The following SLC35F6 variants were observed in gnomAD, a reference collection of about 807,000 sequenced individuals.
The protein encoded by SLC35F6 is ANT2-binding protein.
SLC35F6 carries 26 observed loss-of-function variants against 29.4 expected under a neutral mutation model. That is an observed-to-expected ratio of 0.89 (90% CI 0.65 to 1.23). SLC35F6 has a LOEUF of 1.23. Among genes scored for constraint, SLC35F6 ranks in the 50% most tolerant of loss-of-function variants. The pLI, the probability that SLC35F6 is intolerant of heterozygous loss-of-function variation, is 0.00. For synonymous variants in SLC35F6, 174 were observed against 206.6 expected, an observed-to-expected ratio of 0.84 and a Z score of 1.35; for missense variants, 428 against 487.8, an observed-to-expected ratio of 0.88 and a Z score of 1.15.
rs1244493703 is a variant in SLC35F6, at chr2:26,780,784, A to G, written c.*2273A>G. ...CAGGGAACCAAGCAGCCTTTGGTCC[A>G]GTGCTGCTCCTTGGAACAGTTGAGT... On this transcript the variant is annotated 3_prime_UTR_variant, in exon 6 of 6. Coordinates refer to ENST00000344420, the MANE Select transcript of SLC35F6 (RefSeq NM_017877.4). 6.6e-6 allele frequency: 1 copy of G among 152,288 alleles called. No individual in the cohort carries two copies. The highest frequency in any genetic ancestry group is 2.4e-5 in the African/African-American group (1 of 41,464). The allele number at this position is 152,288 out of a possible 1,614,324, so 9.4% of individuals were successfully genotyped here. A position where few individuals can be genotyped will look rare whatever the true frequency, so the allele number is the denominator to read the frequency against.
At position 26,774,313 on chromosome 2, in the gene SLC35F6, C is replaced by T. The variant is rs747353384; in HGVS notation, c.140C>T (p.Pro47Leu). The T allele has an allele frequency of 3.7e-6, 6 of 1,614,048 alleles. No individual in the cohort carries two copies. In the East Asian group the frequency reaches 1.3e-4, roughly 36 times the overall value. Residue 47 changes from proline to leucine, a missense_variant, in exon 2 of 6, where the codon CCC becomes CTC. Physicochemically the swap from Pro to Leu is moderately conservative, Grantham distance 98. Transcript: ENST00000344420. The stretch of plus-strand genomic sequence containing the variant: ...AGCAAGGAGCACAGCTTCCAGCATC[C>T]CTTCCTCCAGGTATCTGGCCCTGTC... The part of the protein sequence containing the change: ...GGSKEHSFQH[P>L]FLQAVGMFLG...
chr2:26,775,633 G>T lies in SLC35F6; in HGVS notation c.492G>T (p.Leu164=). Residue 164 remains leucine (L), a synonymous_variant, in exon 4 of 6, where the codon CTG becomes CTT. Transcript: ENST00000344420. The surrounding 1 kb of genome is among the most constrained non-coding windows in gnomAD (Gnocchi z 4.6). ...TGGTCGTGGGCCTGGCTGACCTCCT[G>T]AGCAAGCACGACAGTCAGCACAAGC... ...GLVVVGLADL[L]SKHDSQHKLS... is the part of the protein sequence containing the mutation. 6.2e-7 allele frequency: 1 copy of T among 1,601,116 alleles called. No individual in the cohort carries two copies.
In SLC35F6 at chr2:26,778,498, A is replaced by T. The variant is rs773253079; in HGVS notation, c.1103A>T (p.Asn368Ile). Residue 368 changes from asparagine to isoleucine, a missense_variant, in exon 6 of 6, where the codon AAT (asparagine) becomes ATT (isoleucine). Transcript: ENST00000344420. ...CTGGGTGGCACCCGCACTCCCATCA[A>T]TGATGCCAGCTGAGGTTCCCTGGAG... Reference protein sequence around the residue: ...RLLGGTRTPINDAS With the variant: ...RLLGGTRTPIIDAS 18 of 1,603,378 alleles carry T rather than the reference A, an allele frequency of 1.1e-5. No individual in the cohort carries two copies. Among genetic ancestry groups the T allele is most frequent in the Non-Finnish European group, 1.4e-5 (17 of 1,175,034 alleles).
intron 1 of SLC35F6, among the ~76,000 whole-genome samples, chr2:26,769,355 G>T (rs959580321): frequency 6.6e-6 from 1 of 152,198 alleles, no homozygotes; most frequent in African/African-American, 2.4e-5. Flanking sequence ...AGGACCCTTC[G>T]GGCCTCCTGC....
In SLC35F6 at chr2:26,772,315, G is replaced by A. The variant is rs537157641; in HGVS notation, c.78-1936G>A. Among the ~76,000 whole-genome samples, 4 of 152,312 alleles carry A rather than the reference G, an allele frequency of 2.6e-5. No homozygotes were observed. In the South Asian group the frequency reaches 8.3e-4, roughly 32 times the overall value. On this transcript the variant is annotated intron_variant, in intron 1 of 5. Coordinates refer to ENST00000344420, the MANE Select transcript of SLC35F6 (RefSeq NM_017877.4). Reference sequence around the variant, plus strand: ...GGCTCGCTACAGAGATGAGCCAATGGCAGTGCAGGGCTGTGCACTGCAATC... The same window carrying A: ...GGCTCGCTACAGAGATGAGCCAATGACAGTGCAGGGCTGTGCACTGCAATC...
At chr2:26,772,300 A>G (rs1373200600) in intron 1 of SLC35F6, among the ~76,000 whole-genome samples, 1 of 152,228 alleles carries the variant, frequency 6.6e-6, no homozygotes, top group Non-Finnish European at 1.5e-5. Context: ...GGCTCGCTAC[A>G]GAGATGAGCC....
At chr2:26,776,261 G>C in intron 4 of SLC35F6, 111 bp from the exon 5 acceptor site, 3 of 860,908 alleles carry the variant, frequency 3.5e-6, no homozygotes, top group Middle Eastern at 3.2e-4. Flanking sequence ...ATGAACTATA[G>C]GGGGCCCTGC....
chr2:26,773,948 G>C (rs887205789), intron 1 of SLC35F6, among the ~76,000 whole-genome samples: 1 of 152,174 alleles, frequency 6.6e-6, no homozygotes, highest in Non-Finnish European at 1.5e-5. Context: ...TTATAAGTGG[G>C]TCTGACTACT....
chr2:26,777,105 A>G (rs565635555), intron 5 of SLC35F6, among the ~76,000 whole-genome samples: 133 of 152,360 alleles, frequency 8.7e-4, no homozygotes, highest in African/African-American at 3.1e-3. Context: ...AGACTGAGAC[A>G]GGAGAATCGC....
chr2:26,774,899 C>A, intron 2 of SLC35F6, 145 bp from the exon 3 acceptor site: 1 of 988,042 alleles, frequency 1.0e-6, no homozygotes, highest in Non-Finnish European at 1.4e-6. Context: ...CTCTAGCCTC[C>A]ATGGCAGCTC....
chr2:26,764,687 G>A (rs145411493), intron 1 of SLC35F6: 15 of 677,572 alleles, frequency 2.2e-5, no homozygotes, highest in Middle Eastern at 1.5e-3. Flanking sequence ...TAACAGGAGG[G>A]TTGGCCGATT....
rs368756527 is a variant in SLC35F6, at chr2:26,778,476, G to C, written c.1081G>C (p.Gly361Arg). The change falls in exon 6 of 6, where the codon GGT becomes CGT. Residue 361 changes from glycine to arginine, a missense_variant. Coordinates refer to ENST00000344420, the MANE Select transcript of SLC35F6 (RefSeq NM_017877.4). ...AEESEQERLLGGTRTPINDAS is the reference protein window; with the variant it reads ...AEESEQERLLRGTRTPINDAS ...GGAGAGCGAGCAGGAGAGACTGCTG[G>C]GTGGCACCCGCACTCCCATCAATGA... The C allele has an allele frequency of 3.1e-6, 5 of 1,611,476 alleles. No individual in the cohort carries two copies. The highest frequency in any genetic ancestry group is 2.7e-5 in the African/African-American group (2 of 74,836).
In SLC35F6 at chr2:26,778,475, G is replaced by A. The variant is rs1330926578; in HGVS notation, c.1080G>A (p.Leu360=). 6.2e-7 allele frequency: 1 copy of A among 1,611,966 alleles called. No homozygotes were observed. The highest frequency in any genetic ancestry group is 2.2e-5 in the East Asian group (1 of 44,840). ...AGGAGAGCGAGCAGGAGAGACTGCT[G>A]GGTGGCACCCGCACTCCCATCAATG... The part of the protein sequence containing the change: ...LAEESEQERL[L]GGTRTPINDA... Residue 360 remains leucine, a synonymous_variant, in exon 6 of 6, where the codon CTG becomes CTA. Coordinates refer to ENST00000344420, the MANE Select transcript of SLC35F6 (RefSeq NM_017877.4).
intron 5 of SLC35F6, 69 bp downstream of exon 5, chr2:26,776,551 AG>A (rs1664304390): frequency 4.2e-6 from 6 of 1,434,248 alleles, no homozygotes; most frequent in Middle Eastern, 1.8e-4. Flanking sequence ...GCACAGGACA[AG>A]GTGCCAGGGT....
chr2:26,778,604 A>G lies in SLC35F6; in HGVS notation c.*93A>G, dbSNP rs1664351520. 1.6e-6 allele frequency: 2 copies of G among 1,250,416 alleles called. No homozygotes were observed. Among genetic ancestry groups the G allele is most frequent in the South Asian group, 1.5e-5 (1 of 65,824 alleles). 77.5% of individuals were successfully genotyped at this position (1,250,416 alleles called of 1,614,324 possible). A position where few individuals can be genotyped will look rare whatever the true frequency, so the allele number is the denominator to read the frequency against. On this transcript the variant is annotated 3_prime_UTR_variant, in exon 6 of 6. Coordinates refer to ENST00000344420, the MANE Select transcript of SLC35F6 (RefSeq NM_017877.4). The stretch of plus-strand genomic sequence containing the variant: ...GTGGGCCCCGAATGCCCTATCCCCA[A>G]GGCCTCACCCTGTCCCCTCCCTGCA...
intron 1 of SLC35F6, among the ~76,000 whole-genome samples, chr2:26,765,845 G>T (rs1027034959): frequency 1.3e-5 from 2 of 152,200 alleles, no homozygotes; most frequent in Non-Finnish European, 2.9e-5. Flanking sequence ...CCCATCTCAG[G>T]ATCTGAACAC....
intron 1 of SLC35F6, among the ~76,000 whole-genome samples, chr2:26,767,346 G>C (rs1664112646): frequency 6.6e-6 from 1 of 152,232 alleles, no homozygotes; most frequent in Admixed American, 6.5e-5. Context: ...TCAAGGTTCA[G>C]ACTGACAGCC....
rs747864074 is a variant in SLC35F6, at chr2:26,778,347, C to A, written c.952C>A (p.Leu318Met). Residue 318 changes from leucine to methionine, a missense_variant, in exon 6 of 6, where the codon CTG (leucine) becomes ATG (methionine). Coordinates refer to ENST00000344420, the MANE Select transcript of SLC35F6 (RefSeq NM_017877.4). ...LALGWEAFHA[L>M]QILGFLILLI... ...ACTGGGCTGGGAGGCCTTCCATGCA[C>A]TGCAGATCCTTGGCTTCCTCATACT... 1 of 1,614,074 alleles carries A rather than the reference C, an allele frequency of 6.2e-7. No individual in the cohort carries two copies. Among genetic ancestry groups the A allele is most frequent in the Non-Finnish European group, 8.5e-7 (1 of 1,180,042 alleles).
At chr2:26,774,344 T>A in intron 2 of SLC35F6, 21 bp downstream of exon 2, 1 of 1,613,304 alleles carries the variant, frequency 6.2e-7, no homozygotes, top group South Asian at 1.1e-5. Context: ...CTGTCCCTCC[T>A]ACCTCCTGTC....
Sources: allele counts gnomAD v4.1 joint callset (sites outside exome capture counted in the v4.1 genomes callset), GRCh38; gene constraint gnomAD v4.1.1; non-coding constraint Gnocchi (gnomAD v3.1); transcripts MANE v1.5; gene names NCBI Gene and HGNC (gene_info 2026-07-23, HGNC 2026-07-21).